Variants in AUTS2 observed in about 807,000 individuals in gnomAD.
The protein encoded by AUTS2 is activator of transcription and developmental regulator AUTS2.
Under a neutral mutation model 112.4 loss-of-function variants are expected in AUTS2, and 17 were observed. The ratio of observed to expected loss-of-function variants is 0.15; its 90% CI spans 0.10 to 0.23. AUTS2 has a LOEUF of 0.23. Ranked by LOEUF, AUTS2 falls within the 10% of genes least tolerant of loss-of-function variation. The probability of loss-of-function intolerance (pLI) is 1.00; values close to 1 mark genes in which losing one functional copy is unlikely to be tolerated. For synonymous variants in AUTS2, 751 were observed against 702.7 expected, an observed-to-expected ratio of 1.07 and a Z score of -1.09; for missense variants, 1,510 against 1,701.6, an observed-to-expected ratio of 0.89 and a Z score of 1.98.
At chr7:69,811,701 TC>T (rs1790551533) in intron 1 of AUTS2, among the ~76,000 whole-genome samples, 1 of 152,150 alleles carries the variant, frequency 6.6e-6, no homozygotes, top group Non-Finnish European at 1.5e-5. Context: ...ATCAAGCTTT[TC>T]CGCAAACCAC....
intron 1 of AUTS2, among the ~76,000 whole-genome samples, chr7:69,823,965 A>C (rs1791120792): frequency 6.6e-6 from 1 of 152,120 alleles, no homozygotes; most frequent in Non-Finnish European, 1.5e-5. Flanking sequence ...TTTGACCAAG[A>C]CCTGAACTTC....
At chr7:69,842,308 A>G (rs1390987363) in intron 1 of AUTS2, among the ~76,000 whole-genome samples, 1 of 152,356 alleles carries the variant, frequency 6.6e-6, no homozygotes, top group Middle Eastern at 3.4e-3. Flanking sequence ...ATTAGATTTT[A>G]TAAGGAACAT....
chr7:70,494,298 A>G (rs1798362672), intron 5 of AUTS2, among the ~76,000 whole-genome samples: 1 of 151,888 alleles, frequency 6.6e-6, no homozygotes, highest in Admixed American at 6.5e-5. Context: ...TTTTTTTTCA[A>G]AACTACATTT....
chr7:69,870,385 ATAT>A (rs1793427141), intron 1 of AUTS2, among the ~76,000 whole-genome samples: 1 of 145,126 alleles, frequency 6.9e-6, no homozygotes, highest in Non-Finnish European at 1.5e-5. Context: ...TTAAGGAATA[ATAT>A]TAAGAGAACA....
intron 2 of AUTS2, among the ~76,000 whole-genome samples, chr7:70,096,599 T>TAA (rs374942971): frequency 0.012 from 1,028 of 84,684 alleles, 20 homozygotes; most frequent in African/African-American, 0.043. Flanking sequence ...AACTCCATCT[T>TAA]AAAAAAAAAA....
At chr7:70,157,344 T>C (rs1807836135) in intron 4 of AUTS2, among the ~76,000 whole-genome samples, 2 of 152,134 alleles carry the variant, frequency 1.3e-5, no homozygotes, top group Admixed American at 6.5e-5. Context: ...AGTGGTGTAA[T>C]CTTGGCTCAT....
At chr7:69,631,043 G>C (rs1192656869) in intron 1 of AUTS2, among the ~76,000 whole-genome samples, 1 of 152,108 alleles carries the variant, frequency 6.6e-6, no homozygotes, top group Non-Finnish European at 1.5e-5. Context: ...ACTAGGCGTA[G>C]AAACAAGAGG....
intron 2 of AUTS2, among the ~76,000 whole-genome samples, chr7:69,957,738 G>A (rs1320377325): frequency 2.0e-5 from 3 of 152,124 alleles, no homozygotes; most frequent in Admixed American, 1.3e-4. Flanking sequence ...AGTGAAACAG[G>A]GAGGGTGTTT....
At chr7:69,656,547 G>A (rs1795549723) in intron 1 of AUTS2, among the ~76,000 whole-genome samples, 1 of 152,026 alleles carries the variant, frequency 6.6e-6, no homozygotes, top group African/African-American at 2.4e-5. Context: ...GCCAGATAAT[G>A]TATCCTGTTT....
At chr7:70,626,987 T>C (rs747143341) in intron 5 of AUTS2, among the ~76,000 whole-genome samples, 20 of 152,250 alleles carry the variant, frequency 1.3e-4, no homozygotes, top group Non-Finnish European at 2.5e-4. Context: ...TGAGTGCAGG[T>C]GTCCTTTATG....
intron 4 of AUTS2, among the ~76,000 whole-genome samples, chr7:70,221,865 T>A (rs1335608992): frequency 6.6e-6 from 1 of 152,178 alleles, no homozygotes; most frequent in Non-Finnish European, 1.5e-5. Flanking sequence ...CCAGCCTAGG[T>A]GACAAGAGCA....
At chr7:70,469,187 G>T (rs1350451182) in intron 5 of AUTS2, among the ~76,000 whole-genome samples, 1 of 152,242 alleles carries the variant, frequency 6.6e-6, no homozygotes, top group Non-Finnish European at 1.5e-5. Flanking sequence ...CTTCTGGGTT[G>T]ATTCTCCTAG....
intron 5 of AUTS2, among the ~76,000 whole-genome samples, chr7:70,668,835 G>T (rs1807485003): frequency 6.6e-6 from 1 of 152,224 alleles, no homozygotes; most frequent in Non-Finnish European, 1.5e-5. Context: ...GGCCCAGCCT[G>T]TGGAATGCCT....
intron 1 of AUTS2, among the ~76,000 whole-genome samples, chr7:69,692,243 G>A (rs1345455571): frequency 6.6e-6 from 1 of 152,202 alleles, no homozygotes; most frequent in African/African-American, 2.4e-5. Flanking sequence ...GGTTGGCAAC[G>A]AAGACTGGAG....
intron 1 of AUTS2, among the ~76,000 whole-genome samples, chr7:69,834,541 T>C (rs1791637956): frequency 1.3e-5 from 2 of 152,236 alleles, no homozygotes; most frequent in South Asian, 4.1e-4. Context: ...ACAGGAGGAA[T>C]TGCTGCTTTA....
chr7:70,411,732 G>C (rs2130468657), intron 4 of AUTS2, among the ~76,000 whole-genome samples: 1 of 152,130 alleles, frequency 6.6e-6, no homozygotes, highest in East Asian at 1.9e-4. Flanking sequence ...GACAGTTATT[G>C]GGAACCTACT....
chr7:69,652,815 A>G (rs190954370), intron 1 of AUTS2, among the ~76,000 whole-genome samples: 2 of 152,310 alleles, frequency 1.3e-5, no homozygotes, highest in Admixed American at 1.3e-4. Context: ...GAAAAAAGTA[A>G]TAGTAAATTT....
intron 1 of AUTS2, among the ~76,000 whole-genome samples, chr7:69,778,255 T>G (rs1354359249): frequency 1.3e-5 from 2 of 149,392 alleles, no homozygotes; most frequent in Non-Finnish European, 3.0e-5. Context: ...TATTTTTTTT[T>G]TTTTTTACTC....
chr7:69,615,615 C>G (rs894002188), intron 1 of AUTS2, among the ~76,000 whole-genome samples: 5 of 152,130 alleles, frequency 3.3e-5, no homozygotes, highest in African/African-American at 1.2e-4. Flanking sequence ...TTTTAGCATT[C>G]TTGTTGTAGA....
Sources: gnomAD v4.1 joint callset for allele counts (sites outside exome capture counted in the v4.1 genomes callset) on GRCh38, gnomAD v4.1.1 for gene constraint, MANE v1.5 for transcripts, NCBI Gene and HGNC (gene_info 2026-07-23, HGNC 2026-07-21) for gene names.